Variants in THSD7A observed in about 807,000 individuals in gnomAD.
The protein encoded by THSD7A is thrombospondin type-1 domain-containing protein 7A.
THSD7A carries 96 observed loss-of-function variants against 231.3 expected under a neutral mutation model. That is an observed-to-expected ratio of 0.41 (90% CI 0.35 to 0.49). THSD7A has a LOEUF of 0.49. Ranked by LOEUF, THSD7A falls within the 20% of genes least tolerant of loss-of-function variation. The pLI, the probability that THSD7A is intolerant of heterozygous loss-of-function variation, is 0.05. For missense variants in THSD7A, 2,290 were observed against 2,070.2 expected (o/e 1.11, Z -2.06); for synonymous variants, 940 against 743.3 (o/e 1.26, Z -4.30).
At chr7:11,598,854 G>A (rs540559739) in intron 2 of THSD7A, among the ~76,000 whole-genome samples, 1 of 152,250 alleles carries the variant, frequency 6.6e-6, no homozygotes, top group East Asian at 1.9e-4. Context: ...TCCAGAGACA[G>A]GAATGCTGCC....
rs1402953302 is a variant in THSD7A at position 11,424,324 on chromosome 7, G to A, written c.3383+372C>T. Among the ~76,000 whole-genome samples the A allele has an allele frequency of 3.9e-5, 6 of 152,330 alleles. No homozygotes were observed. In the East Asian group the frequency reaches 1.2e-3, roughly 29 times the overall value. ...TCCCTGGACAACAGGATAGTATTCA[G>A]TTAGCCAGTTTGATACAAAAGAGCA... On this transcript the variant is annotated intron_variant, in intron 16 of 27. Transcript: ENST00000423059.
intron 1 of THSD7A, among the ~76,000 whole-genome samples, chr7:11,725,155 T>C (rs1305676845): frequency 6.6e-6 from 1 of 152,004 alleles, no homozygotes; most frequent in African/African-American, 2.4e-5. Context: ...TCTGCTCTTT[T>C]ATAACAAAAT....
chr7:11,573,891 C>G (rs1790759580), intron 4 of THSD7A, among the ~76,000 whole-genome samples: 1 of 152,096 alleles, frequency 6.6e-6, no homozygotes, highest in African/African-American at 2.4e-5. Context: ...AATATCTTTC[C>G]CCTAAGTAGT....
Position 11,460,784 on chromosome 7 carries a change from A to G in THSD7A, c.2502-19T>C. 6.2e-7 allele frequency: 1 copy of G among 1,602,778 alleles called. No individual in the cohort carries two copies. Among genetic ancestry groups the G allele is most frequent in the South Asian group, 1.1e-5 (1 of 89,086 alleles). On this transcript the variant is annotated intron_variant, in intron 10 of 27. Transcript: ENST00000423059. Reference sequence around the variant, plus strand: ...CTTCCACCTACAAGACAGGAACAGAAGCCCAGTGGGGAAGAAGCAAAAATG... The same window carrying G: ...CTTCCACCTACAAGACAGGAACAGAGGCCCAGTGGGGAAGAAGCAAAAATG...
chr7:11,741,312 G>GA (rs1782105408), intron 1 of THSD7A, among the ~76,000 whole-genome samples: 1 of 151,858 alleles, frequency 6.6e-6, no homozygotes, highest in African/African-American at 2.4e-5. Flanking sequence ...CCGTTTAAGA[G>GA]ATCCAAAGGG....
intron 1 of THSD7A, among the ~76,000 whole-genome samples, chr7:11,818,465 T>C (rs1343273788): frequency 6.6e-6 from 1 of 152,202 alleles, no homozygotes; most frequent in Non-Finnish European, 1.5e-5. Flanking sequence ...CAACAATGTG[T>C]GTCAACGGGA....
intron 4 of THSD7A, among the ~76,000 whole-genome samples, chr7:11,576,449 G>A (rs1790909454): frequency 6.6e-6 from 1 of 152,144 alleles, no homozygotes; most frequent in South Asian, 2.1e-4. Context: ...GCCCTATCTA[G>A]AGGACACTGC....
chr7:11,427,465 A>G (rs1784358234), intron 14 of THSD7A, among the ~76,000 whole-genome samples: 1 of 152,140 alleles, frequency 6.6e-6, no homozygotes, highest in Non-Finnish European at 1.5e-5. Context: ...AAAGTGACAA[A>G]TGGTTTAGGC....
intron 6 of THSD7A, among the ~76,000 whole-genome samples, chr7:11,503,066 AC>A (rs1787402397): frequency 6.6e-6 from 1 of 152,228 alleles, no homozygotes; most frequent in African/African-American, 2.4e-5. Context: ...AAACTATACT[AC>A]AAGGCTTCAG....
At chr7:11,531,624 T>A (rs895409608) in intron 6 of THSD7A, among the ~76,000 whole-genome samples, 4 of 152,210 alleles carry the variant, frequency 2.6e-5, no homozygotes, top group African/African-American at 9.6e-5. Context: ...ATCTCCTTTG[T>A]GTCTCTTCAC....
intron 11 of THSD7A, among the ~76,000 whole-genome samples, chr7:11,453,712 G>A (rs972475851): frequency 6.6e-6 from 1 of 151,990 alleles, no homozygotes; most frequent in African/African-American, 2.4e-5. Flanking sequence ...TATGTGATAT[G>A]TCTACCTTGA....
intron 13 of THSD7A, among the ~76,000 whole-genome samples, chr7:11,433,125 A>C (rs1401378999): frequency 6.6e-6 from 1 of 152,020 alleles, no homozygotes; most frequent in African/African-American, 2.4e-5. Context: ...GATCCAGAGG[A>C]AAGTCCAACA....
chr7:11,786,111 C>T (rs892489850), intron 1 of THSD7A, among the ~76,000 whole-genome samples: 3 of 148,378 alleles, frequency 2.0e-5, no homozygotes, highest in Admixed American at 6.6e-5. Context: ...ATTGCTCTTT[C>T]TCCAACAGAT....
chr7:11,649,543 C>G (rs1198143243), intron 1 of THSD7A, among the ~76,000 whole-genome samples: 1 of 151,906 alleles, frequency 6.6e-6, no homozygotes, highest in Non-Finnish European at 1.5e-5. Flanking sequence ...TGTGCAGGGG[C>G]CAGCAGCTGG....
At chr7:11,686,570 C>G (rs1459714314) in intron 1 of THSD7A, among the ~76,000 whole-genome samples, 1 of 151,746 alleles carries the variant, frequency 6.6e-6, no homozygotes, top group African/African-American at 2.4e-5. Context: ...GTAGTAAAGA[C>G]ATGAAATCAA....
At chr7:11,501,774 C>CA (rs1177777368) in intron 6 of THSD7A, among the ~76,000 whole-genome samples, 1 of 151,912 alleles carries the variant, frequency 6.6e-6, no homozygotes, top group Non-Finnish European at 1.5e-5. Flanking sequence ...TGAGAAATAA[C>CA]AAAAAATCAG....
chr7:11,718,610 A>C (rs1328922421), intron 1 of THSD7A, among the ~76,000 whole-genome samples: 4 of 151,692 alleles, frequency 2.6e-5, no homozygotes, highest in Non-Finnish European at 5.9e-5. Context: ...ATCTCTGACT[A>C]AATTGCTTTA....
intron 16 of THSD7A, among the ~76,000 whole-genome samples, chr7:11,421,338 C>T (rs377100137): frequency 3.3e-5 from 5 of 152,080 alleles, no homozygotes; most frequent in African/African-American, 1.2e-4. Context: ...GTGGCACTTC[C>T]CCCTTCGCTC....
intron 2 of THSD7A, among the ~76,000 whole-genome samples, chr7:11,604,119 A>T (rs996968752): frequency 6.6e-6 from 1 of 152,138 alleles, no homozygotes; most frequent in Non-Finnish European, 1.5e-5. Context: ...TATGTGCCAG[A>T]CACTGTTCTA....
Sources: gnomAD v4.1 joint callset for allele counts (sites outside exome capture counted in the v4.1 genomes callset) on GRCh38, gnomAD v4.1.1 for gene constraint, MANE v1.5 for transcripts, NCBI Gene and HGNC (gene_info 2026-07-23, HGNC 2026-07-21) for gene names.